Variants in CACNA2D3 observed in about 807,000 individuals in gnomAD.
CACNA2D3 encodes the protein calcium voltage-gated channel auxiliary subunit alpha2delta 3.
CACNA2D3 carries 60 observed loss-of-function variants against 160.6 expected under a neutral mutation model. That is an observed-to-expected ratio of 0.37 (90% CI 0.30 to 0.46). The LOEUF (loss-of-function observed/expected upper bound fraction) is 0.46, where lower values mean the gene tolerates loss of function less well. Among genes scored for constraint, CACNA2D3 ranks in the 20% least tolerant of loss-of-function variants. The pLI, the probability that CACNA2D3 is intolerant of heterozygous loss-of-function variation, is 1.00. For synonymous variants in CACNA2D3, 558 were observed against 492.9 expected (o/e 1.13, Z -1.75); for missense variants, 1,205 against 1,365.0 (o/e 0.88, Z 1.85).
At chr3:54,837,058 A>G (rs1698707319) in intron 14 of CACNA2D3, 101 bp from the exon 15 acceptor site, 2 of 980,888 alleles carry the variant, frequency 2.0e-6, no homozygotes, top group African/African-American at 1.6e-5. Context: ...TTCCATCTCA[A>G]CAGCCCCTGG....
chr3:54,636,528 G>T (rs958630058), intron 10 of CACNA2D3, among the ~76,000 whole-genome samples: 6 of 151,982 alleles, frequency 3.9e-5, no homozygotes, highest in Non-Finnish European at 7.4e-5. Context: ...AGCATAGTTT[G>T]TGATTTTTAG....
intron 13 of CACNA2D3, among the ~76,000 whole-genome samples, chr3:54,814,201 A>G (rs368475851): frequency 6.6e-6 from 1 of 152,316 alleles, no homozygotes; most frequent in East Asian, 1.9e-4. Flanking sequence ...AAACTCAGGC[A>G]TGACTTCAGA....
At chr3:54,468,750 C>A (rs965072673) in intron 4 of CACNA2D3, among the ~76,000 whole-genome samples, 1 of 152,136 alleles carries the variant, frequency 6.6e-6, no homozygotes, top group Non-Finnish European at 1.5e-5. Context: ...GGGGGAGGTG[C>A]GTCTGCCATT....
intron 4 of CACNA2D3, among the ~76,000 whole-genome samples, chr3:54,400,222 C>T (rs867902513): frequency 6.7e-6 from 1 of 149,900 alleles, no homozygotes; most frequent in Non-Finnish European, 1.5e-5. Flanking sequence ...TGAGATGAAC[C>T]CGGTACCTCA....
At chr3:54,906,032 G>A (rs1253549857) in intron 27 of CACNA2D3, among the ~76,000 whole-genome samples, 1 of 152,152 alleles carries the variant, frequency 6.6e-6, no homozygotes, top group African/African-American at 2.4e-5. Flanking sequence ...GATGACAAGG[G>A]CACTGTTGGC....
intron 2 of CACNA2D3, among the ~76,000 whole-genome samples, chr3:54,237,177 G>A (rs1362114561): frequency 1.3e-5 from 2 of 151,898 alleles, no homozygotes; most frequent in East Asian, 1.9e-4. Context: ...GTACCCCCTC[G>A]AAGAATTAAT....
Position 54,681,118 on chromosome 3 carries a change from GGA to G in CACNA2D3, c.1167+38896_1167+38897del, listed in dbSNP as rs71096435. On this transcript the variant is annotated intron_variant, in intron 11 of 37. Transcript: ENST00000474759. Reference sequence around the variant, plus strand: ...AATTTTCCTCTGTGTTATTATCTAAGGAGAGAGAGAGAGAGAGAGACAGAGAG... The same window carrying G: ...AATTTTCCTCTGTGTTATTATCTAAGGAGAGAGAGAGAGAGAGACAGAGAG... Among the ~76,000 whole-genome samples the G allele has an allele frequency of 4.4e-4, 66 of 149,626 alleles. 1 individual carries two copies. The highest frequency in any genetic ancestry group is 6.7e-4 in the Admixed American group (10 of 14,990).
At chr3:54,456,251 T>TC (rs1343079113) in intron 4 of CACNA2D3, among the ~76,000 whole-genome samples, 1 of 152,016 alleles carries the variant, frequency 6.6e-6, no homozygotes, top group Non-Finnish European at 1.5e-5. Context: ...TTCATAGACT[T>TC]CCTTGTAGAG....
At position 54,481,323 on chromosome 3, in the gene CACNA2D3, C is replaced by T. The variant is rs554807414; in HGVS notation, c.382-22169C>T. Among the ~76,000 whole-genome samples the T allele has an allele frequency of 3.0e-4, 46 of 152,270 alleles. No individual in the cohort carries two copies. The South Asian group carries it at 9.3e-3, about 31-fold the overall frequency. On this transcript the variant is annotated intron_variant, in intron 4 of 37. Transcript: ENST00000474759. ...GCACAGCCAAAGTGGAGTTGTGTTT[C>T]CAGTGTGTTCCTGGGATGCCTTCAG...
At chr3:55,046,333 T>C (rs1345816640) in intron 35 of CACNA2D3, among the ~76,000 whole-genome samples, 1 of 123,468 alleles carries the variant, frequency 8.1e-6, no homozygotes, top group Non-Finnish European at 1.7e-5. Flanking sequence ...TTCCCACCTA[T>C]GAGTGAGAAT....
intron 14 of CACNA2D3, among the ~76,000 whole-genome samples, chr3:54,831,239 C>T (rs565714103): frequency 9.7e-4 from 148 of 152,286 alleles, no homozygotes; most frequent in African/African-American, 3.3e-3. Flanking sequence ...GGCGGCTCCG[C>T]TGAAAACCAC....
intron 35 of CACNA2D3, among the ~76,000 whole-genome samples, chr3:55,042,275 G>A (rs546726492): frequency 9.2e-5 from 14 of 152,168 alleles, no homozygotes; most frequent in South Asian, 2.1e-4. Context: ...GTGGATCTAC[G>A]TCTCTCTCCC....
At position 54,949,942 on chromosome 3, in the gene CACNA2D3, C is replaced by T. The variant is rs372039416; in HGVS notation, c.2450-18508C>T. 1.1e-4 allele frequency among the ~76,000 whole-genome samples: 16 copies of T among 152,300 alleles called. No individual in the cohort carries two copies. The East Asian group carries it at 2.3e-3, about 22-fold the overall frequency. On this transcript the variant is annotated intron_variant, in intron 27 of 37. Transcript: ENST00000474759. ...GAGGGCCACCCCAAATAATGTTTCT[C>T]TAGCTATTAAAGGCTTCATCAGGCA...
chr3:54,136,554 C>T (rs1428762380), intron 2 of CACNA2D3, among the ~76,000 whole-genome samples: 1 of 152,228 alleles, frequency 6.6e-6, no homozygotes, highest in African/African-American at 2.4e-5. Context: ...CACCCAAATC[C>T]CTTTGCTGCT....
chr3:55,072,949 A>C (rs1704845417), intron 35 of CACNA2D3, among the ~76,000 whole-genome samples: 1 of 152,212 alleles, frequency 6.6e-6, no homozygotes, highest in African/African-American at 2.4e-5. Flanking sequence ...TACTGGGCAG[A>C]CGTTGTGCAA....
intron 13 of CACNA2D3, among the ~76,000 whole-genome samples, chr3:54,815,639 T>C (rs929384608): frequency 6.6e-6 from 1 of 152,214 alleles, no homozygotes; most frequent in Non-Finnish European, 1.5e-5. Context: ...TGAATTGAGT[T>C]GAATTAGTAT....
intron 11 of CACNA2D3, among the ~76,000 whole-genome samples, chr3:54,680,867 C>T (rs1019966902): frequency 2.6e-5 from 4 of 152,134 alleles, no homozygotes; most frequent in African/African-American, 9.7e-5. Context: ...CTCTGATCCC[C>T]AGTTATTCTC....
At chr3:54,254,207 A>G (rs939430664) in intron 2 of CACNA2D3, among the ~76,000 whole-genome samples, 4 of 152,196 alleles carry the variant, frequency 2.6e-5, no homozygotes, top group Admixed American at 2.6e-4. Flanking sequence ...ATGCTCTCCC[A>G]TCAGATGGCA....
chr3:55,058,809 A>G (rs534079526), intron 35 of CACNA2D3, among the ~76,000 whole-genome samples: 2 of 152,170 alleles, frequency 1.3e-5, no homozygotes, highest in African/African-American at 2.4e-5. Context: ...TCTGAGGCCA[A>G]ATGGCCTGGG....
Sources: allele counts gnomAD v4.1 joint callset (sites outside exome capture counted in the v4.1 genomes callset), GRCh38; gene constraint gnomAD v4.1.1; transcripts MANE v1.5; gene names NCBI Gene and HGNC (gene_info 2026-07-23, HGNC 2026-07-21).